AGBL4: variants seen among roughly 807,000 people sequenced by gnomAD.
The protein encoded by AGBL4 is cytosolic carboxypeptidase 6.
Under a neutral mutation model 66.4 loss-of-function variants are expected in AGBL4, and 58 were observed. That is an observed-to-expected ratio of 0.87 (90% CI 0.71 to 1.09). The LOEUF is 1.09. Among genes scored for constraint, AGBL4 ranks in the 50% least tolerant of loss-of-function variants. The pLI is 0.00. For synonymous variants in AGBL4, 234 were observed against 222.9 expected (o/e 1.05, Z -0.44); for missense variants, 579 against 631.0 (o/e 0.92, Z 0.88).
At chr1:48,541,378 G>T (rs148215494) in intron 11 of AGBL4, among the ~76,000 whole-genome samples, 1 of 152,204 alleles carries the variant, frequency 6.6e-6, no homozygotes, top group Non-Finnish European at 1.5e-5. Flanking sequence ...CTTCTAGCCT[G>T]CAAGCTCTAT....
chr1:48,987,194 T>C (rs1401025264), intron 5 of AGBL4, among the ~76,000 whole-genome samples: 1 of 151,258 alleles, frequency 6.6e-6, no homozygotes, highest in East Asian at 1.9e-4. Flanking sequence ...AGAAAACAAA[T>C]AGCAAAATGA....
At chr1:49,006,136 T>C (rs1180359033) in intron 5 of AGBL4, among the ~76,000 whole-genome samples, 1 of 151,532 alleles carries the variant, frequency 6.6e-6, no homozygotes, top group Non-Finnish European at 1.5e-5. Context: ...CACTAGGGAG[T>C]GCCAGACAGT....
intron 4 of AGBL4, among the ~76,000 whole-genome samples, chr1:49,175,814 T>A (rs1646820279): frequency 6.6e-6 from 1 of 152,168 alleles, no homozygotes. Context: ...AGACCTTTAC[T>A]TTTGGATCTG....
At chr1:49,147,575 G>A (rs1270017333) in intron 4 of AGBL4, among the ~76,000 whole-genome samples, 6 of 152,170 alleles carry the variant, frequency 3.9e-5, no homozygotes, top group Non-Finnish European at 7.4e-5. Flanking sequence ...CACATACCTC[G>A]TAAGAGGAGA....
intron 6 of AGBL4, among the ~76,000 whole-genome samples, chr1:48,818,692 C>A (rs1372848572): frequency 6.6e-6 from 1 of 151,802 alleles, no homozygotes; most frequent in African/African-American, 2.4e-5. Context: ...ATGGAAAATT[C>A]TAATACTGTA....
intron 3 of AGBL4, among the ~76,000 whole-genome samples, chr1:49,530,886 A>G (rs1226951929): frequency 6.6e-6 from 1 of 152,042 alleles, no homozygotes; most frequent in African/African-American, 2.4e-5. Flanking sequence ...CAACTAGACA[A>G]ATTACTCAAC....
chr1:48,924,550 T>C (rs893418605), intron 5 of AGBL4, among the ~76,000 whole-genome samples: 2 of 152,182 alleles, frequency 1.3e-5, no homozygotes, highest in African/African-American at 4.8e-5. Flanking sequence ...ATTTGGAGTT[T>C]TTCTTTTGTT....
chr1:49,544,603 C>T (rs1652331471), intron 3 of AGBL4, among the ~76,000 whole-genome samples: 1 of 152,214 alleles, frequency 6.6e-6, no homozygotes, highest in African/African-American at 2.4e-5. Flanking sequence ...TCCAGAATCA[C>T]TTCTGCTACC....
intron 6 of AGBL4, among the ~76,000 whole-genome samples, chr1:48,699,956 A>G (rs1646776376): frequency 7.1e-6 from 1 of 141,410 alleles, no homozygotes; most frequent in Non-Finnish European, 1.6e-5. Flanking sequence ...ATATATATTT[A>G]GAGACAGAGT....
intron 6 of AGBL4, among the ~76,000 whole-genome samples, chr1:48,821,011 A>G (rs1010409757): frequency 3.9e-5 from 6 of 152,248 alleles, no homozygotes; most frequent in Admixed American, 2.6e-4. Context: ...AATGCTCAAC[A>G]TCACTAATCA....
intron 6 of AGBL4, among the ~76,000 whole-genome samples, chr1:48,773,338 C>T (rs572231181): frequency 1.3e-5 from 2 of 152,244 alleles, no homozygotes; most frequent in South Asian, 2.1e-4. Flanking sequence ...GAGTAGTTCT[C>T]ACTTTCACAA....
chr1:48,587,277 T>C, intron 10 of AGBL4, 111 bp from the exon 11 acceptor site: 1 of 1,010,506 alleles, frequency 9.9e-7, no homozygotes, highest in East Asian at 2.6e-5. Context: ...AAGAGTGGGA[T>C]ATTAGCCCCT....
Position 48,620,221 on chromosome 1 carries a change from T to C in AGBL4, c.951+14272A>G, listed in dbSNP as rs368780907. ...ATGGGGATGGGGAGTGGCCAGAGCA[T>C]TTGAGCTAATGGCTCAAACTTGCTT... On this transcript the variant is annotated intron_variant, in intron 9 of 13. Coordinates refer to ENST00000371839, the MANE Select transcript of AGBL4 (RefSeq NM_032785.4). 5.3e-4 allele frequency among the ~76,000 whole-genome samples: 81 copies of C among 152,282 alleles called. 1 individual carries two copies. Among genetic ancestry groups the C allele is most frequent in the African/African-American group, 1.3e-3 (55 of 41,556 alleles).
At chr1:48,613,695 C>T (rs749373350) in intron 9 of AGBL4, among the ~76,000 whole-genome samples, 1 of 152,184 alleles carries the variant, frequency 6.6e-6, no homozygotes, top group Non-Finnish European at 1.5e-5. Flanking sequence ...ACACCTTTAG[C>T]CTGGGCCCTA....
chr1:49,561,851 T>C (rs1644055339), intron 3 of AGBL4, among the ~76,000 whole-genome samples: 1 of 152,078 alleles, frequency 6.6e-6, no homozygotes, highest in Non-Finnish European at 1.5e-5. Context: ...TCAAATGGTA[T>C]TTCTAGTTCT....
At chr1:49,352,629 G>A (rs1357039177) in intron 3 of AGBL4, among the ~76,000 whole-genome samples, 1 of 152,088 alleles carries the variant, frequency 6.6e-6, no homozygotes, top group East Asian at 1.9e-4. Flanking sequence ...TCTGGAGACA[G>A]TGGCTTGATC....
chr1:48,572,534 G>A (rs903045533), intron 11 of AGBL4, among the ~76,000 whole-genome samples: 1 of 151,850 alleles, frequency 6.6e-6, no homozygotes, highest in Admixed American at 6.6e-5. Context: ...TTGTGTGTGT[G>A]TGTGAGTGTG....
intron 11 of AGBL4, among the ~76,000 whole-genome samples, chr1:48,541,055 G>T (rs746649751): frequency 2.0e-5 from 3 of 152,172 alleles, no homozygotes; most frequent in Admixed American, 6.5e-5. Context: ...TCAACATTAT[G>T]CTTGCTACCT....
intron 2 of AGBL4, among the ~76,000 whole-genome samples, chr1:49,779,120 A>G (rs994953867): frequency 6.6e-6 from 1 of 152,210 alleles, no homozygotes; most frequent in Non-Finnish European, 1.5e-5. Flanking sequence ...CTGAGCTGAA[A>G]TCAAGGTGCT....
Sources: gnomAD v4.1 joint callset for allele counts (sites outside exome capture counted in the v4.1 genomes callset) on GRCh38, gnomAD v4.1.1 for gene constraint, MANE v1.5 for transcripts, NCBI Gene and HGNC (gene_info 2026-07-23, HGNC 2026-07-21) for gene names.